HOMER1: variants seen among roughly 807,000 people sequenced by gnomAD.
HOMER1 encodes homer scaffold protein 1, also known as homer protein homolog 1.
A neutral mutation model predicts 48.9 loss-of-function variants in HOMER1; 3 were observed. The ratio of observed to expected loss-of-function variants is 0.06; its 90% CI spans 0.03 to 0.16. HOMER1 has a LOEUF of 0.16. HOMER1 is among the 10% of genes least tolerant of loss of function. The probability of loss-of-function intolerance (pLI) is 1.00; values close to 1 mark genes in which losing one functional copy is unlikely to be tolerated. For synonymous variants in HOMER1, 134 were observed against 146.4 expected, an observed-to-expected ratio of 0.92 and a Z score of 0.61; for missense variants, 247 against 411.4, an observed-to-expected ratio of 0.60 and a Z score of 3.46.
chr5:79,462,685 G>A (rs1367501074), intron 1 of HOMER1, among the ~76,000 whole-genome samples: 2 of 152,076 alleles, frequency 1.3e-5, no homozygotes, highest in African/African-American at 4.8e-5. Context: ...CATAAGTTTT[G>A]GTCTAGAAAA....
At chr5:79,460,265 G>A (rs927579744) in intron 1 of HOMER1, among the ~76,000 whole-genome samples, 5 of 152,138 alleles carry the variant, frequency 3.3e-5, no homozygotes, top group East Asian at 1.9e-4. Flanking sequence ...TCACAAGTTC[G>A]AGACCAGCTT....
Position 79,451,005 on chromosome 5 carries a change from C to T in HOMER1, c.279G>A (p.Glu93=), listed in dbSNP as rs774395326. The T allele has an allele frequency of 1.2e-6, 2 of 1,613,522 alleles. No individual in the cohort carries two copies. The highest frequency in any genetic ancestry group is 8.5e-7 in the Non-Finnish European group (1 of 1,179,606). ...NTVYGLGFSS[E]HHLSKFAEKF... ...TTTAACTCACTTTCGAAAGATGATG[C>T]TCAGAGGAGAATCCCAATCCATAAA... The change falls in exon 3 of 9, where the codon GAG becomes GAA. Residue 93 remains glutamate, a synonymous_variant. Coordinates refer to ENST00000334082, the MANE Select transcript of HOMER1 (RefSeq NM_004272.5).
chr5:79,476,041 A>C (rs899050365), intron 1 of HOMER1, among the ~76,000 whole-genome samples: 2 of 152,122 alleles, frequency 1.3e-5, no homozygotes, highest in African/African-American at 4.8e-5. Flanking sequence ...CAGTTCTCTC[A>C]CCGTTGTTAT....
intron 8 of HOMER1, among the ~76,000 whole-genome samples, chr5:79,379,113 T>TATATAA (rs1554056111): frequency 8.0e-5 from 7 of 87,738 alleles, no homozygotes; most frequent in Non-Finnish European, 1.5e-4. Flanking sequence ...TATATATATA[T>TATATAA]AAAATATATA....
intron 1 of HOMER1, among the ~76,000 whole-genome samples, chr5:79,485,180 C>T (rs1330794321): frequency 6.6e-6 from 1 of 152,172 alleles, no homozygotes; most frequent in Non-Finnish European, 1.5e-5. Context: ...TTTGGCTATT[C>T]CCTGAGAGTA....
At chr5:79,430,846 A>T (rs192340541) in intron 5 of HOMER1, among the ~76,000 whole-genome samples, 38,431 of 151,882 alleles carry the variant, frequency 0.25, 5,936 homozygotes, top group East Asian at 0.75. Flanking sequence ...CTGAGGCAGG[A>T]GAATTGCTTG....
At chr5:79,412,357 T>C (rs948965274) in intron 5 of HOMER1, among the ~76,000 whole-genome samples, 2 of 152,206 alleles carry the variant, frequency 1.3e-5, no homozygotes, top group Non-Finnish European at 2.9e-5. Context: ...TAAAAAATAC[T>C]TGGAACATTG....
chr5:79,451,293 T>C (rs1751019909), intron 2 of HOMER1, among the ~76,000 whole-genome samples, 172 bp from the exon 3 acceptor site: 2 of 152,196 alleles, frequency 1.3e-5, no homozygotes, highest in African/African-American at 2.4e-5. Flanking sequence ...TGTGGAAATA[T>C]GTTAACTAAA....
intron 1 of HOMER1, among the ~76,000 whole-genome samples, chr5:79,460,808 A>G (rs1385802063): frequency 1.3e-5 from 2 of 152,214 alleles, no homozygotes; most frequent in Non-Finnish European, 2.9e-5. Flanking sequence ...AAAATTTTCC[A>G]GCTCAAAATG....
At chr5:79,404,751 C>T (rs1749619850) in intron 5 of HOMER1, among the ~76,000 whole-genome samples, 2 of 152,108 alleles carry the variant, frequency 1.3e-5, no homozygotes, top group African/African-American at 4.8e-5. Context: ...GTTGCCCAGG[C>T]TGGAGTGCAA....
intron 5 of HOMER1, among the ~76,000 whole-genome samples, chr5:79,437,222 T>A (rs950888343): frequency 4.6e-5 from 7 of 152,194 alleles, no homozygotes; most frequent in Admixed American, 4.6e-4. Context: ...AGAATTTATT[T>A]CTAAATGCTA....
chr5:79,426,115 G>A (rs528961344), intron 5 of HOMER1, among the ~76,000 whole-genome samples: 1 of 151,974 alleles, frequency 6.6e-6, no homozygotes, highest in South Asian at 2.1e-4. Flanking sequence ...TATCAAAGGG[G>A]CAGAAAATAG....
chr5:79,433,598 C>T (rs929680367), intron 5 of HOMER1, among the ~76,000 whole-genome samples: 3 of 152,026 alleles, frequency 2.0e-5, no homozygotes, highest in African/African-American at 7.2e-5. Context: ...AAAGATTAAG[C>T]ACTTCCTTTT....
chr5:79,498,555 T>C (rs1202358085), intron 1 of HOMER1, among the ~76,000 whole-genome samples: 1 of 152,204 alleles, frequency 6.6e-6, no homozygotes, highest in Admixed American at 6.5e-5. Context: ...TGGATATGAA[T>C]GTTTTTAGGC....
At chr5:79,439,281 G>T in intron 4 of HOMER1, 132 bp from the exon 5 acceptor site, 1 of 786,022 alleles carries the variant, frequency 1.3e-6, no homozygotes, top group Non-Finnish European at 1.9e-6. Context: ...TTGAGTCAAA[G>T]ACTTAAAAAC....
At chr5:79,473,124 A>G (rs1751668445) in intron 1 of HOMER1, among the ~76,000 whole-genome samples, 1 of 152,230 alleles carries the variant, frequency 6.6e-6, no homozygotes, top group Non-Finnish European at 1.5e-5. Context: ...TCCAACCACC[A>G]CAGCATAAAA....
At chr5:79,473,602 CT>C (rs1751680099) in intron 1 of HOMER1, among the ~76,000 whole-genome samples, 1 of 152,158 alleles carries the variant, frequency 6.6e-6, no homozygotes, top group Admixed American at 6.5e-5. Context: ...AATACCTACT[CT>C]TAAATCTTTC....
In HOMER1 at chr5:79,501,575, G is replaced by A. The variant is rs1393653998; in HGVS notation, c.5+11195C>T. Among the ~76,000 whole-genome samples the A allele has an allele frequency of 2.0e-5, 3 of 152,248 alleles. No individual in the cohort carries two copies. The East Asian group carries it at 5.8e-4, about 29-fold the overall frequency. On this transcript the variant is annotated intron_variant, in intron 1 of 8. Coordinates refer to ENST00000334082, the MANE Select transcript of HOMER1 (RefSeq NM_004272.5). ...TCAGTACCATCTGTAAGGAAAACAA[G>A]ATACATTTAATGAACTCACCTATAA...
intron 5 of HOMER1, among the ~76,000 whole-genome samples, chr5:79,402,416 G>A (rs750981314): frequency 1.3e-5 from 2 of 152,008 alleles, no homozygotes; most frequent in African/African-American, 2.4e-5. Flanking sequence ...TGATCCACCT[G>A]CCTCAGCCTC....
Sources: allele counts gnomAD v4.1 joint callset (sites outside exome capture counted in the v4.1 genomes callset), GRCh38; gene constraint gnomAD v4.1.1; transcripts MANE v1.5; gene names NCBI Gene and HGNC (gene_info 2026-07-23, HGNC 2026-07-21).